The following PLCD4 variants were observed in gnomAD, a reference collection of about 807,000 sequenced individuals.
PLCD4 encodes the protein phospholipase C delta 4.
PLCD4 carries 63 observed loss-of-function variants against 90.2 expected under a neutral mutation model. The ratio of observed to expected loss-of-function variants is 0.70; its 90% CI spans 0.57 to 0.86. The LOEUF (loss-of-function observed/expected upper bound fraction) is 0.86, where lower values mean the gene tolerates loss of function less well. Ranked by LOEUF, PLCD4 falls within the 40% of genes least tolerant of loss-of-function variation. The pLI is 0.00. For synonymous variants in PLCD4, 294 were observed against 356.5 expected (o/e 0.82, Z 1.97); for missense variants, 830 against 956.3 (o/e 0.87, Z 1.74).
At chr2:218,633,820 G>A (rs1433602555) in intron 11 of PLCD4, 59 bp downstream of exon 11, 6 of 1,581,096 alleles carry the variant, frequency 3.8e-6, no homozygotes, top group Non-Finnish European at 5.2e-6. Flanking sequence ...CAGGCCTGAT[G>A]GACTGGCAGG....
In PLCD4 at chr2:218,616,927, T is replaced by TAGAGAGAG. The variant is rs71266346; in HGVS notation, c.181+917_181+924dup. Among the ~76,000 whole-genome samples, 12 of 13,756 alleles carry TAGAGAGAG rather than the reference T, an allele frequency of 8.7e-4. 1 individual carries two copies. Among genetic ancestry groups the TAGAGAGAG allele is most frequent in the East Asian group, 3.3e-3 (1 of 304 alleles). 9.0% of individuals were successfully genotyped at this position (13,756 alleles called of 152,430 possible). On this transcript the variant is annotated intron_variant, in intron 3 of 15. Transcript: ENST00000450993. ...ATATATATATATATATATATATATA[T>TAGAGAGAG]AGAGAGAGAGAGAGAGAGAGAGAGA...
At chr2:218,614,134 C>T (rs1370565981) in intron 1 of PLCD4, among the ~76,000 whole-genome samples, 1 of 151,976 alleles carries the variant, frequency 6.6e-6, no homozygotes, top group East Asian at 1.9e-4. Flanking sequence ...ACTCTCCTGC[C>T]TCAGCCTCCT....
chr2:218,615,692 TC>T lies in PLCD4; in HGVS notation c.-33-13del. 6.4e-7 allele frequency: 1 copy of T among 1,559,740 alleles called. No individual in the cohort carries two copies. Among genetic ancestry groups the T allele is most frequent in the Non-Finnish European group, 8.7e-7 (1 of 1,155,332 alleles). ...AGATTCACCCAGAGCCCTTTGCTCTTCCTTGCTCCTTTAGGTGATCTGGTGC... is the reference window on the plus strand; with the variant it reads ...AGATTCACCCAGAGCCCTTTGCTCTTCTTGCTCCTTTAGGTGATCTGGTGC... On this transcript the variant is annotated splice_polypyrimidine_tract_variant and intron_variant, in intron 1 of 15. Transcript: ENST00000450993.
At chr2:218,621,853 G>A (rs1285645544) in intron 5 of PLCD4, among the ~76,000 whole-genome samples, 1 of 152,156 alleles carries the variant, frequency 6.6e-6, no homozygotes, top group Admixed American at 6.5e-5. Context: ...GCTGAGGCAG[G>A]TGGATCACGA....
intron 3 of PLCD4, among the ~76,000 whole-genome samples, chr2:218,617,200 G>A (rs1199193906): frequency 3.5e-5 from 5 of 142,604 alleles, no homozygotes; most frequent in South Asian, 2.4e-4. Flanking sequence ...TCCTGACCCC[G>A]TGATCCGCCT....
intron 6 of PLCD4, among the ~76,000 whole-genome samples, chr2:218,626,663 GATTGGAGGGAGCT>G (rs1696133267): frequency 6.6e-6 from 1 of 152,226 alleles, no homozygotes; most frequent in African/African-American, 2.4e-5. Context: ...CCCATACTGA[GATTGGAGGGAGCT>G]ATGGAAGGAC....
intron 6 of PLCD4, among the ~76,000 whole-genome samples, chr2:218,626,596 T>C (rs1271121154): frequency 6.6e-6 from 1 of 152,222 alleles, no homozygotes; most frequent in Non-Finnish European, 1.5e-5. Context: ...TGGAATGCCC[T>C]GGGCATAGAG....
chr2:218,622,101 GAAAA>G (rs1559267946), intron 5 of PLCD4: 5 of 127,084 alleles, frequency 3.9e-5, no homozygotes, highest in African/African-American at 8.8e-5. Context: ...AAAAAAAAAA[GAAAA>G]AGAAAAGTCA....
intron 1 of PLCD4, among the ~76,000 whole-genome samples, chr2:218,608,886 C>G (rs1455979526): frequency 6.6e-6 from 1 of 151,932 alleles, no homozygotes; most frequent in East Asian, 1.9e-4. Context: ...CACCTGTAAT[C>G]CCAGCACTTT....
chr2:218,618,592 T>A lies in PLCD4; in HGVS notation c.195T>A (p.Asp65Glu). The A allele has an allele frequency of 6.2e-7, 1 of 1,613,976 alleles. No homozygotes were observed. The highest frequency in any genetic ancestry group is 8.5e-7 in the Non-Finnish European group (1 of 1,179,826). Reference protein sequence around the residue: ...GSAKPSFSISDVETIRNGHDS... With the variant: ...GSAKPSFSISEVETIRNGHDS... ...CTTCTCTGGCAGTCTCAATCTCTGA[T>A]GTGGAGACAATACGTAATGGCCATG... The change falls in exon 4 of 16, where the codon GAT (aspartate) becomes GAA (glutamate). Residue 65 changes from aspartate (D) to glutamate (E), a missense_variant. By Grantham distance (45) the Asp-to-Glu change is conservative. Coordinates refer to ENST00000450993, the MANE Select transcript of PLCD4 (RefSeq NM_032726.4).
chr2:218,614,160 C>G (rs1391245783), intron 1 of PLCD4, among the ~76,000 whole-genome samples: 4 of 151,822 alleles, frequency 2.6e-5, no homozygotes, highest in Non-Finnish European at 5.9e-5. Context: ...GCTGGGATTA[C>G]AGGTGCACAC....
intron 1 of PLCD4, 111 bp downstream of exon 1, chr2:218,608,181 C>A (rs1038313268): frequency 1.3e-5 from 2 of 152,602 alleles, no homozygotes; most frequent in African/African-American, 2.4e-5. Flanking sequence ...ACCCTAGACT[C>A]CTTTCCTCAT....
intron 1 of PLCD4, among the ~76,000 whole-genome samples, chr2:218,611,623 G>A (rs1695335078): frequency 6.6e-6 from 1 of 152,048 alleles, no homozygotes. Flanking sequence ...GTTTTTGAGA[G>A]AGTCTCACTC....
At position 218,622,796 on chromosome 2, in the gene PLCD4, C is replaced by T. The variant is rs764051853; in HGVS notation, c.690C>T (p.Phe230=). ...TGACTCTGCTGGAATTTTTGGATTT[C>T]CTCCAAGAGGAGCAGAAGGAGAGAG... ...QKLTLLEFLD[F]LQEEQKERDC... is the part of the protein sequence containing the mutation. The change falls in exon 6 of 16, where the codon TTC becomes TTT. Residue 230 remains phenylalanine (F), a synonymous_variant. Coordinates refer to ENST00000450993, the MANE Select transcript of PLCD4 (RefSeq NM_032726.4). The T allele has an allele frequency of 1.8e-5, 29 of 1,613,878 alleles. No individual in the cohort carries two copies. The highest frequency in any genetic ancestry group is 2.4e-5 in the Non-Finnish European group (28 of 1,179,894).
Position 218,622,781 on chromosome 2 carries a change from G to A in PLCD4, c.675G>A (p.Leu225=). The A allele has an allele frequency of 6.2e-7, 1 of 1,613,984 alleles. No homozygotes were observed. The highest frequency in any genetic ancestry group is 8.5e-7 in the Non-Finnish European group (1 of 1,179,884). The part of the protein sequence containing the change: ...FSADGQKLTL[L]EFLDFLQEEQ... ...CTGATGGGCAGAAGCTGACTCTGCT[G>A]GAATTTTTGGATTTCCTCCAAGAGG... Residue 225 remains leucine, a synonymous_variant, in exon 6 of 16, where the codon CTG becomes CTA. Coordinates refer to ENST00000450993, the MANE Select transcript of PLCD4 (RefSeq NM_032726.4).
rs1695937353 is a variant in PLCD4 at position 218,622,628 on chromosome 2, C to T, written c.541-19C>T. ...CCCATTAAAAGTTTCATTCACTCTC[C>T]CCTAAACCTCTCTTGCAGGCAGCAG... On this transcript the variant is annotated intron_variant, in intron 5 of 15. Transcript: ENST00000450993. The T allele has an allele frequency of 6.3e-7, 1 of 1,590,540 alleles. No individual in the cohort carries two copies. Among genetic ancestry groups the T allele is most frequent in the Non-Finnish European group, 8.6e-7 (1 of 1,160,992 alleles).
At position 218,636,537 on chromosome 2, in the gene PLCD4, A is replaced by AT; in HGVS notation, c.2250dup (p.Ile751TyrfsTer11). 1 of 1,613,970 alleles carries AT rather than the reference A, an allele frequency of 6.2e-7. No individual in the cohort carries two copies. Among genetic ancestry groups the AT allele is most frequent in the Non-Finnish European group, 8.5e-7 (1 of 1,179,872 alleles). The stretch of plus-strand genomic sequence containing the variant: ...CTCCGCCCAGCTTCCATCTTTGTGT[A>AT]TATCTGCATCCAGGAAGGCCTGGAG... On this transcript the variant is annotated frameshift_variant, in exon 16 of 16. Coordinates refer to ENST00000450993, the MANE Select transcript of PLCD4 (RefSeq NM_032726.4). LOFTEE classifies it high-confidence loss of function.
Position 218,635,758 on chromosome 2 carries a change from G to C in PLCD4, c.1897-38G>C, listed in dbSNP as rs775600840. ...GAGTAGGGTCGGGTGGGGCTGGGCT[G>C]AGCAGGAACTTGTGAGATTCCAGAG... On this transcript the variant is annotated intron_variant, in intron 13 of 15. Coordinates refer to ENST00000450993, the MANE Select transcript of PLCD4 (RefSeq NM_032726.4). The C allele has an allele frequency of 4.4e-6, 7 of 1,598,866 alleles. No homozygotes were observed. In the South Asian group the frequency reaches 7.9e-5, roughly 18 times the overall value.
At chr2:218,630,008 T>C (rs1696290449) in intron 8 of PLCD4, among the ~76,000 whole-genome samples, 1 of 152,096 alleles carries the variant, frequency 6.6e-6, no homozygotes, top group Admixed American at 6.5e-5. Context: ...AGAAACCCCG[T>C]CTCTATTAAA....
Sources: gnomAD v4.1 joint callset for allele counts (sites outside exome capture counted in the v4.1 genomes callset) on GRCh38, gnomAD v4.1.1 for gene constraint, MANE v1.5 for transcripts, NCBI Gene and HGNC (gene_info 2026-07-23, HGNC 2026-07-21) for gene names.